Variants in MARK2 observed in about 807,000 individuals in gnomAD.
MARK2 encodes the protein microtubule affinity regulating kinase 2, also known as serine/threonine-protein kinase MARK2.
Under a neutral mutation model 89.8 loss-of-function variants are expected in MARK2, and 16 were observed. That is an observed-to-expected ratio of 0.18 (90% confidence interval 0.12 to 0.27). The LOEUF is 0.27. MARK2 is among the 10% of genes least tolerant of loss of function. The pLI, the probability that MARK2 is intolerant of heterozygous loss-of-function variation, is 1.00. For synonymous variants in MARK2, 382 were observed against 399.5 expected (o/e 0.96, Z 0.52); for missense variants, 621 against 1,049.9 (o/e 0.59, Z 5.65).
intron 3 of MARK2, 143 bp from the exon 4 acceptor site, chr11:63,898,089 T>C: frequency 1.4e-6 from 1 of 700,978 alleles, no homozygotes; most frequent in South Asian, 1.7e-5. Flanking sequence ...GGGAAGGCCG[T>C]GCATGAGCTA....
chr11:63,877,475 C>T (rs1340883787), intron 1 of MARK2, among the ~76,000 whole-genome samples: 1 of 152,020 alleles, frequency 6.6e-6, no homozygotes, highest in Admixed American at 6.6e-5. Flanking sequence ...TGGCCAGATG[C>T]AGTGGCTCAT....
At position 63,908,865 on chromosome 11, in the gene MARK2, C is replaced by T. The variant is rs775920399; in HGVS notation, c.2007-12C>T. The T allele has an allele frequency of 2.0e-6, 3 of 1,474,278 alleles. No homozygotes were observed. The highest frequency in any genetic ancestry group is 2.9e-5 in the South Asian group (2 of 68,470). 91.3% of individuals were successfully genotyped at this position (1,474,278 alleles called of 1,614,324 possible). A position where few individuals can be genotyped will look rare whatever the true frequency, so the allele number is the denominator to read the frequency against. On this transcript the variant is annotated splice_polypyrimidine_tract_variant and intron_variant, in intron 18 of 18. Transcript: ENST00000402010. ...AGCCCCCCCGTGACGCCCGCCTCTG[C>T]CCTCTCCACAGACCTCACGTGGTGG... is the stretch of plus-strand genomic sequence containing the variant.
intron 1 of MARK2, among the ~76,000 whole-genome samples, chr11:63,848,178 A>T (rs982139489): frequency 1.3e-5 from 2 of 152,158 alleles, no homozygotes; most frequent in Non-Finnish European, 2.9e-5. Flanking sequence ...GCTAAGCAGG[A>T]AATGCCAAAA....
intron 1 of MARK2, among the ~76,000 whole-genome samples, chr11:63,862,846 TG>T (rs1212900000): frequency 7.1e-6 from 1 of 141,824 alleles, no homozygotes; most frequent in Admixed American, 7.8e-5. Context: ...ACTCTTTCTT[TG>T]TAAGCACCCC....
At chr11:63,888,722 C>A in intron 1 of MARK2, 1 of 1,192,432 alleles carries the variant, frequency 8.4e-7, no homozygotes, top group African/African-American at 1.6e-5. Flanking sequence ...GTTTCGGTTG[C>A]GACACCGTCC....
intron 1 of MARK2, among the ~76,000 whole-genome samples, chr11:63,887,800 T>C (rs1024631174): frequency 6.6e-6 from 1 of 152,152 alleles, no homozygotes; most frequent in Admixed American, 6.5e-5. Context: ...AGTGGGGGCT[T>C]AGCAGGAGGA....
rs1725590664 is a variant in MARK2, at chr11:63,909,030, G to C, written c.2160G>C (p.Ala720=). Residue 720 remains alanine, a synonymous_variant, in exon 19 of 19, where the codon GCG becomes GCC. Transcript: ENST00000402010. The part of the protein sequence containing the change: ...MMREIRKVLD[A]NSCQSELHEK... The stretch of plus-strand genomic sequence containing the variant: ...GGGAGATCCGCAAGGTGCTGGACGC[G>C]AACAGCTGCCAGAGCGAGCTGCATG... 3 of 1,599,062 alleles carry C rather than the reference G, an allele frequency of 1.9e-6. No homozygotes were observed. The highest frequency in any genetic ancestry group is 2.6e-6 in the Non-Finnish European group (3 of 1,167,704).
In MARK2 at chr11:63,902,536, A is replaced by G; in HGVS notation, c.1235-65A>G. Reference sequence around the variant, plus strand: ...TTGGCCAGCCCTGTAGGAAATGAGCATGCGTGGGGCTGGCACTCAGTGGAC... The same window carrying G: ...TTGGCCAGCCCTGTAGGAAATGAGCGTGCGTGGGGCTGGCACTCAGTGGAC... On this transcript the variant is annotated intron_variant, in intron 12 of 18. Coordinates refer to ENST00000402010, the MANE Select transcript of MARK2 (RefSeq NM_001039469.3). The surrounding 1 kb of genome is among the most constrained non-coding windows in gnomAD (Gnocchi z 4.2). 1 of 1,491,686 alleles carries G rather than the reference A, an allele frequency of 6.7e-7. No individual in the cohort carries two copies. 92.4% of individuals were successfully genotyped at this position (1,491,686 alleles called of 1,614,324 possible).
Position 63,902,086 on chromosome 11 carries a change from G to C in MARK2, c.1102-112G>C. On this transcript the variant is annotated intron_variant, in intron 11 of 18. Coordinates refer to ENST00000402010, the MANE Select transcript of MARK2 (RefSeq NM_001039469.3). This position sits in a 1 kb window ranked among gnomAD's most constrained non-coding sequence, Gnocchi z 4.2. Reference sequence around the variant, plus strand: ...GGTCTTACAAGTGGATGTCCGGTATGATCCTGGGGTGTTTGAGTGTTGGGA... The same window carrying C: ...GGTCTTACAAGTGGATGTCCGGTATCATCCTGGGGTGTTTGAGTGTTGGGA... 1 of 1,177,766 alleles carries C rather than the reference G, an allele frequency of 8.5e-7. No homozygotes were observed. The highest frequency in any genetic ancestry group is 1.5e-5 in the African/African-American group (1 of 65,428). The allele number at this position is 1,177,766 out of a possible 1,614,324, so 73.0% of individuals were successfully genotyped here. A position where few individuals can be genotyped will look rare whatever the true frequency, so the allele number is the denominator to read the frequency against.
At chr11:63,895,428 CTT>C in intron 2 of MARK2, 90 bp downstream of exon 2, 4 of 1,478,146 alleles carry the variant, frequency 2.7e-6, no homozygotes, top group Non-Finnish European at 3.8e-6. Context: ...CAGCCAACCT[CTT>C]GTTTATCCGG....
chr11:63,906,674 G>A (rs964149097), intron 17 of MARK2, among the ~76,000 whole-genome samples: 2 of 152,008 alleles, frequency 1.3e-5, no homozygotes, highest in Non-Finnish European at 2.9e-5. Context: ...GTGGCCTATG[G>A]GATCGCAGGA....
chr11:63,887,443 G>A (rs567156483), intron 1 of MARK2, among the ~76,000 whole-genome samples: 76 of 152,356 alleles, frequency 5.0e-4, no homozygotes, highest in African/African-American at 1.7e-3. Context: ...TGGACATACA[G>A]TAGCATCAGA....
At chr11:63,854,614 C>T (rs2016748691) in intron 1 of MARK2, among the ~76,000 whole-genome samples, 1 of 151,722 alleles carries the variant, frequency 6.6e-6, no homozygotes, top group Non-Finnish European at 1.5e-5. Flanking sequence ...GCGAGTGGAT[C>T]ACCTGAGGTA....
At chr11:63,854,376 TTG>T (rs1334850253) in intron 1 of MARK2, among the ~76,000 whole-genome samples, 4 of 149,402 alleles carry the variant, frequency 2.7e-5, no homozygotes, top group Non-Finnish European at 5.9e-5. Flanking sequence ...GTTTTTCTAT[TTG>T]TTTTTTTTTT....
intron 1 of MARK2, among the ~76,000 whole-genome samples, chr11:63,877,963 C>T (rs770896066): frequency 2.0e-5 from 3 of 152,228 alleles, no homozygotes; most frequent in Admixed American, 6.5e-5. Context: ...ATTGATCTGG[C>T]AAGCTGGCCA....
intron 1 of MARK2, among the ~76,000 whole-genome samples, chr11:63,861,126 G>A (rs1246884771): frequency 6.6e-6 from 1 of 152,110 alleles, no homozygotes; most frequent in Admixed American, 6.5e-5. Context: ...CTACTGGTCT[G>A]TGTGGAAGAT....
chr11:63,899,715 C>G (rs1327636703), intron 7 of MARK2, among the ~76,000 whole-genome samples, 159 bp from the exon 8 acceptor site: 1 of 152,192 alleles, frequency 6.6e-6, no homozygotes, highest in Non-Finnish European at 1.5e-5. Context: ...CCTGCCCAGC[C>G]TATTCACGCT....
chr11:63,903,964 C>G lies in MARK2; in HGVS notation c.1515-22C>G. The G allele has an allele frequency of 6.3e-7, 1 of 1,589,508 alleles. No homozygotes were observed. Among genetic ancestry groups the G allele is most frequent in the Non-Finnish European group, 8.6e-7 (1 of 1,166,344 alleles). On this transcript the variant is annotated intron_variant, in intron 14 of 18. Coordinates refer to ENST00000402010, the MANE Select transcript of MARK2 (RefSeq NM_001039469.3). The surrounding 1 kb of genome is among the most constrained non-coding windows in gnomAD (Gnocchi z 5.1). ...CCTCACTCACCCCTAACACGGGCCT[C>G]TCCGCTGCTTTTGTTTCCTAGCCTA...
At chr11:63,879,214 G>A (rs1036239601) in intron 1 of MARK2, among the ~76,000 whole-genome samples, 10 of 152,116 alleles carry the variant, frequency 6.6e-5, no homozygotes, top group Non-Finnish European at 4.4e-5. Flanking sequence ...GGCTGAGGCA[G>A]GAGAATCACT....
Sources: allele counts gnomAD v4.1 joint callset (sites outside exome capture counted in the v4.1 genomes callset), GRCh38; gene constraint gnomAD v4.1.1; non-coding constraint Gnocchi (gnomAD v3.1); transcripts MANE v1.5; gene names NCBI Gene and HGNC (gene_info 2026-07-23, HGNC 2026-07-21).